The following DMD variants were observed in gnomAD, a reference collection of about 807,000 sequenced individuals.
DMD encodes dystrophin, also known as mutant dystrophin.
DMD carries 63 observed loss-of-function variants against 330.1 expected under a neutral mutation model. The observed-to-expected ratio is 0.19, with a 90% CI of 0.16 to 0.24. DMD has a LOEUF of 0.24. DMD is among the 10% of genes least tolerant of loss of function. The pLI is 1.00. For missense variants in DMD, 3,344 were observed against 2,684.1 expected (o/e 1.25, Z -5.43); for synonymous variants, 1,223 against 959.8 (o/e 1.27, Z -5.07).
At chrX:31,642,904 T>G (rs2079854868) in intron 54 of DMD, among the ~76,000 whole-genome samples, 1 of 112,236 alleles carries the variant, frequency 8.9e-6, no homozygotes, top group Non-Finnish European at 1.9e-5. Flanking sequence ...CAGACAATCG[T>G]TCTTCCGATT....
At chrX:32,216,448 G>A (rs1206534130) in intron 44 of DMD, among the ~76,000 whole-genome samples, 1 of 111,926 alleles carries the variant, frequency 8.9e-6, no homozygotes, top group Non-Finnish European at 1.9e-5. Flanking sequence ...AAGGCATTTT[G>A]TCAATAGAAT....
intron 45 of DMD, among the ~76,000 whole-genome samples, chrX:31,965,689 T>C (rs2095344840): frequency 8.9e-6 from 1 of 111,744 alleles, no homozygotes; most frequent in Non-Finnish European, 1.9e-5. Flanking sequence ...CAGCCGATGA[T>C]AGGTTTTTAT....
At chrX:32,213,573 C>T (rs926793012) in intron 44 of DMD, among the ~76,000 whole-genome samples, 5 of 111,942 alleles carry the variant, frequency 4.5e-5, no homozygotes, top group African/African-American at 1.6e-4. Context: ...TTTGTGATAT[C>T]ATTCACAGCT....
chrX:32,931,757 T>C (rs1023276542), intron 2 of DMD, among the ~76,000 whole-genome samples: 13 of 111,624 alleles, frequency 1.2e-4, no homozygotes, highest in South Asian at 7.4e-4. Context: ...AAATGCCAGC[T>C]AACTGAGTGT....
At chrX:32,114,683 C>A (rs771990843) in intron 44 of DMD, among the ~76,000 whole-genome samples, 9 of 112,106 alleles carry the variant, frequency 8.0e-5, no homozygotes, top group Non-Finnish European at 1.5e-4. Context: ...CTGATTCCTT[C>A]ACAGATTTTA....
intron 2 of DMD, among the ~76,000 whole-genome samples, chrX:32,942,130 T>G (rs2090464911): frequency 8.9e-6 from 1 of 112,245 alleles, no homozygotes; most frequent in Admixed American, 9.5e-5. Flanking sequence ...CGTGTCTACG[T>G]GTACATAAGA....
intron 44 of DMD, among the ~76,000 whole-genome samples, chrX:32,215,864 T>A (rs1474727636): frequency 8.9e-6 from 1 of 112,173 alleles, no homozygotes; most frequent in Non-Finnish European, 1.9e-5. Context: ...GTTTGATTGA[T>A]ACACATATAA....
At chrX:31,434,942 G>A (rs1397169504) in intron 60 of DMD, among the ~76,000 whole-genome samples, 3 of 111,851 alleles carry the variant, frequency 2.7e-5, no homozygotes, top group East Asian at 2.8e-4. Flanking sequence ...TTAAAGGGTC[G>A]AATCATAAAT....
At chrX:33,253,783 C>T (rs1325525625) in intron 1 of DMD, among the ~76,000 whole-genome samples, 1 of 111,012 alleles carries the variant, frequency 9.0e-6, no homozygotes, top group East Asian at 2.8e-4. Flanking sequence ...TGAGGGAAAC[C>T]AATAAATCCA....
intron 27 of DMD, among the ~76,000 whole-genome samples, chrX:32,446,730 G>A (rs1057288630): frequency 3.6e-5 from 4 of 110,374 alleles, no homozygotes; most frequent in Admixed American, 1.9e-4. Flanking sequence ...CAACAATAAC[G>A]CGGAAAACGG....
chrX:32,604,121 C>T (rs2056467345), intron 12 of DMD, among the ~76,000 whole-genome samples: 1 of 110,277 alleles, frequency 9.1e-6, no homozygotes, highest in Admixed American at 9.7e-5. Flanking sequence ...AAACCAAACC[C>T]AAAAGCATAA....
chrX:32,480,610 TACAC>T (rs1172439713), intron 21 of DMD, among the ~76,000 whole-genome samples: 1 of 111,542 alleles, frequency 9.0e-6, no homozygotes, highest in African/African-American at 3.2e-5. Flanking sequence ...TGTGTGTACA[TACAC>T]AGTATGTGTA....
intron 51 of DMD, among the ~76,000 whole-genome samples, chrX:31,765,440 T>C (rs2089930042): frequency 9.0e-6 from 1 of 111,685 alleles, no homozygotes; most frequent in Admixed American, 9.5e-5. Context: ...CACTGATGCC[T>C]TTCACCAGCA....
At chrX:33,201,549 G>A (rs1028102143) in intron 1 of DMD, among the ~76,000 whole-genome samples, 15 of 111,263 alleles carry the variant, frequency 1.3e-4, no homozygotes, top group East Asian at 5.7e-4. Flanking sequence ...AATAGTCCAC[G>A]TTACTGGTAC....
intron 18 of DMD, among the ~76,000 whole-genome samples, chrX:32,515,420 C>A (rs1013717563): frequency 1.8e-5 from 2 of 110,994 alleles, no homozygotes; most frequent in Non-Finnish European, 3.8e-5. Flanking sequence ...TAATCAAGTG[C>A]AGATCCGAGG....
At chrX:31,720,105 T>C (rs2085356800) in intron 52 of DMD, among the ~76,000 whole-genome samples, 1 of 111,974 alleles carries the variant, frequency 8.9e-6, no homozygotes, top group Admixed American at 9.5e-5. Context: ...CTGACAAAAG[T>C]AGAACAAGCT....
intron 55 of DMD, among the ~76,000 whole-genome samples, chrX:31,508,788 TTCTC>T (rs1404205935): frequency 1.8e-5 from 2 of 111,041 alleles, no homozygotes; most frequent in Non-Finnish European, 3.8e-5. Context: ...AGTTTTTTTT[TTCTC>T]TCTCTCTCTC....
intron 44 of DMD, among the ~76,000 whole-genome samples, chrX:32,199,271 G>A (rs1443827762): frequency 1.8e-5 from 2 of 111,790 alleles, no homozygotes; most frequent in Non-Finnish European, 3.8e-5. Flanking sequence ...TTAATAATTA[G>A]TAGTTCAGCT....
intron 21 of DMD, among the ~76,000 whole-genome samples, chrX:32,480,975 T>C (rs2041833357): frequency 9.0e-6 from 1 of 110,816 alleles, no homozygotes; most frequent in African/African-American, 3.3e-5. Context: ...AATTTTAAAA[T>C]AAAAAATTTA....
Sources: gnomAD v4.1 joint callset for allele counts (sites outside exome capture counted in the v4.1 genomes callset) on GRCh38, gnomAD v4.1.1 for gene constraint, MANE v1.5 for transcripts, NCBI Gene and HGNC (gene_info 2026-07-23, HGNC 2026-07-21) for gene names.